UNC13C: variants seen among roughly 807,000 people sequenced by gnomAD.
The protein encoded by UNC13C is protein unc-13 homolog C.
In UNC13C, 174 loss-of-function variants were observed where a neutral mutation model predicts 245.4. That is an observed-to-expected ratio of 0.71 (90% CI 0.63 to 0.80). The LOEUF is 0.80. UNC13C is among the 30% of genes least tolerant of loss of function. The probability of loss-of-function intolerance (pLI) is 0.00; values close to 1 mark genes in which losing one functional copy is unlikely to be tolerated. For synonymous variants in UNC13C, 992 were observed against 895.1 expected (o/e 1.11, Z -1.93); for missense variants, 2,829 against 2,602.9 (o/e 1.09, Z -1.89).
At chr15:54,148,040 C>G (rs1371259062) in intron 4 of UNC13C, among the ~76,000 whole-genome samples, 2 of 152,116 alleles carry the variant, frequency 1.3e-5, no homozygotes, top group African/African-American at 4.8e-5. Flanking sequence ...AGGCTGGTAA[C>G]TTCTGTTCAA....
intron 26 of UNC13C, among the ~76,000 whole-genome samples, chr15:54,545,690 A>G (rs1247901107): frequency 6.6e-6 from 1 of 152,358 alleles, no homozygotes; most frequent in East Asian, 1.9e-4. Context: ...TTATGCGGCT[A>G]ACAAACATGA....
intron 1 of UNC13C, among the ~76,000 whole-genome samples, chr15:53,985,905 C>T (rs1329906075): frequency 6.6e-6 from 1 of 152,048 alleles, no homozygotes; most frequent in Non-Finnish European, 1.5e-5. Flanking sequence ...CCCATTTTGA[C>T]TCCAGCTGAT....
intron 19 of UNC13C, among the ~76,000 whole-genome samples, chr15:54,449,711 T>G (rs1253165661): frequency 6.6e-6 from 1 of 152,200 alleles, no homozygotes; most frequent in Non-Finnish European, 1.5e-5. Flanking sequence ...TTCTTTGCAA[T>G]GGGTTCAAAC....
chr15:53,934,154 T>C, the UNC13C span, among the ~76,000 whole-genome samples: 1 of 152,222 alleles, frequency 6.6e-6, no homozygotes. Context: ...AAGATCTCAC[T>C]TGCTATTGAA....
At chr15:54,333,544 A>C (rs1596237914) in intron 15 of UNC13C, among the ~76,000 whole-genome samples, 1 of 152,196 alleles carries the variant, frequency 6.6e-6, no homozygotes, top group African/African-American at 2.4e-5. Flanking sequence ...TTGTTAGTGT[A>C]AATAGAAGAG....
At chr15:54,065,182 T>C (rs1898019772) in intron 2 of UNC13C, among the ~76,000 whole-genome samples, 1 of 152,108 alleles carries the variant, frequency 6.6e-6, no homozygotes, top group Non-Finnish European at 1.5e-5. Context: ...AAACACCAGG[T>C]AAAGTCAGAA....
At chr15:54,078,311 T>C (rs1268133078) in intron 2 of UNC13C, among the ~76,000 whole-genome samples, 10 of 152,240 alleles carry the variant, frequency 6.6e-5, no homozygotes, top group African/African-American at 2.4e-4. Flanking sequence ...AGTCCGGCTA[T>C]ATTTTTTTAT....
chr15:53,860,620 C>G, the UNC13C span, among the ~76,000 whole-genome samples: 1 of 152,176 alleles, frequency 6.6e-6, no homozygotes, highest in Non-Finnish European at 1.5e-5. Context: ...TGTGAAATCT[C>G]CCAGGAGTCT....
intron 19 of UNC13C, among the ~76,000 whole-genome samples, chr15:54,418,395 T>G (rs1441413907): frequency 6.6e-6 from 1 of 152,046 alleles, no homozygotes; most frequent in Non-Finnish European, 1.5e-5. Context: ...GAAATGGAGA[T>G]CAGGGAGAAT....
chr15:54,532,453 T>C (rs897405217), intron 25 of UNC13C, among the ~76,000 whole-genome samples: 2 of 152,118 alleles, frequency 1.3e-5, no homozygotes, highest in African/African-American at 4.8e-5. Flanking sequence ...CTAGACTGGA[T>C]AAAGAAACTA....
At chr15:53,985,824 T>C (rs1460569166) in intron 1 of UNC13C, among the ~76,000 whole-genome samples, 1 of 152,110 alleles carries the variant, frequency 6.6e-6, no homozygotes, top group African/African-American at 2.4e-5. Context: ...CGTCTGGTTT[T>C]TGTAGTAACA....
chr15:54,307,351 AT>A (rs2037753510), intron 13 of UNC13C, among the ~76,000 whole-genome samples: 1 of 151,868 alleles, frequency 6.6e-6, no homozygotes, highest in Admixed American at 6.6e-5. Context: ...GGCCTCTTTT[AT>A]AAGACAACTA....
intron 10 of UNC13C, among the ~76,000 whole-genome samples, chr15:54,292,929 TAG>T (rs2037336835): frequency 6.7e-6 from 1 of 148,460 alleles, no homozygotes; most frequent in African/African-American, 2.4e-5. Flanking sequence ...TATATAGAGA[TAG>T]ATATCTATAT....
At chr15:53,914,324 A>C in the UNC13C span, 2 of 152,210 alleles carry the variant, frequency 1.3e-5, no homozygotes, top group Non-Finnish European at 2.9e-5. Flanking sequence ...GTAAGTTCAT[A>C]CTTGGCTCTG....
Position 54,047,780 on chromosome 15 carries a change from T to C in UNC13C, c.2983+31894T>C, listed in dbSNP as rs115429758. Reference sequence around the variant, plus strand: ...GTATTTTTGTTCTATAAATAAACTTTTCGAGGCATTTCACAATTTAGAGGT... The same window carrying C: ...GTATTTTTGTTCTATAAATAAACTTCTCGAGGCATTTCACAATTTAGAGGT... On this transcript the variant is annotated intron_variant, in intron 2 of 32. Coordinates refer to ENST00000260323, the MANE Select transcript of UNC13C (RefSeq NM_001080534.3). Among the ~76,000 whole-genome samples the C allele has an allele frequency of 7.1e-3, 1,086 of 152,302 alleles. 17 individuals are homozygous for C. Among genetic ancestry groups the C allele is most frequent in the African/African-American group, 0.025 (1,042 of 41,574 alleles).
chr15:54,467,660 A>G (rs1892251866), intron 19 of UNC13C, among the ~76,000 whole-genome samples: 1 of 151,692 alleles, frequency 6.6e-6, no homozygotes, highest in Admixed American at 6.6e-5. Context: ...GCCTCTGATA[A>G]CCACAATTCT....
intron 13 of UNC13C, 63 bp from the exon 14 acceptor site, chr15:54,321,874 GCT>G (rs1310339930): frequency 7.0e-7 from 1 of 1,429,106 alleles, no homozygotes; most frequent in African/African-American, 1.5e-5. Flanking sequence ...GATGTTAGAA[GCT>G]CTGTTGTTGT....
intron 25 of UNC13C, among the ~76,000 whole-genome samples, chr15:54,531,810 T>TA (rs1895752574): frequency 6.6e-6 from 1 of 152,126 alleles, no homozygotes; most frequent in African/African-American, 2.4e-5. Context: ...AGAAACCCTA[T>TA]ACCCATTAGC....
intron 4 of UNC13C, among the ~76,000 whole-genome samples, chr15:54,189,655 T>C (rs1410798121): frequency 6.6e-6 from 1 of 152,098 alleles, no homozygotes; most frequent in Non-Finnish European, 1.5e-5. Context: ...GCAACACAAA[T>C]GGAAACAAGA....
Sources: allele counts gnomAD v4.1 joint callset (sites outside exome capture counted in the v4.1 genomes callset), GRCh38; gene constraint gnomAD v4.1.1; transcripts MANE v1.5; gene names NCBI Gene and HGNC (gene_info 2026-07-23, HGNC 2026-07-21).